ZNF644: variants seen among roughly 807,000 people sequenced by gnomAD.
ZNF644 encodes the protein zinc finger protein 644.
ZNF644 carries 20 observed loss-of-function variants against 108.0 expected under a neutral mutation model. The observed-to-expected ratio is 0.19, with a 90% CI of 0.13 to 0.27. The LOEUF (loss-of-function observed/expected upper bound fraction) is 0.27. Among genes scored for constraint, ZNF644 ranks in the 10% least tolerant of loss-of-function variants. The pLI is 1.00. For missense variants in ZNF644, 1,338 were observed against 1,548.9 expected, an observed-to-expected ratio of 0.86 and a Z score of 2.29; for synonymous variants, 542 against 539.1, an observed-to-expected ratio of 1.01 and a Z score of -0.08.
chr1:90,928,195 C>T lies in ZNF644; in HGVS notation c.3688+9290G>A, dbSNP rs552127258. On this transcript the variant is annotated intron_variant, in intron 4 of 5. Coordinates refer to ENST00000337393, the MANE Select transcript of ZNF644 (RefSeq NM_201269.3). ...TGAGACGGAGTCTCACTCTGTCGCC[C>T]AGGCTGGAGTGCAGTGGCGCAATCT... Among the ~76,000 whole-genome samples the T allele has an allele frequency of 4.0e-5, 6 of 151,878 alleles. No homozygotes were observed. The East Asian group carries it at 1.2e-3, about 30-fold the overall frequency.
At chr1:90,928,353 T>C (rs577278348) in intron 4 of ZNF644, among the ~76,000 whole-genome samples, 2 of 148,492 alleles carry the variant, frequency 1.3e-5, no homozygotes, top group Admixed American at 6.7e-5. Flanking sequence ...GTTTTGCTCT[T>C]GTTGCCCAGG....
At chr1:90,998,386 G>C (rs188774738) in intron 1 of ZNF644, among the ~76,000 whole-genome samples, 87 of 152,344 alleles carry the variant, frequency 5.7e-4, no homozygotes, top group Middle Eastern at 3.4e-3. Context: ...TTGCTGTTCA[G>C]CAATATTTGC....
At position 90,938,441 on chromosome 1, in the gene ZNF644, T is replaced by A. The variant is rs750678206; in HGVS notation, c.2913A>T (p.Thr971=). 6.2e-7 allele frequency: 1 copy of A among 1,613,996 alleles called. No homozygotes were observed. The highest frequency in any genetic ancestry group is 1.1e-5 in the South Asian group (1 of 91,080). ...TTGATAACCCAACACCTGTTTCAAA[T>A]GTTGCTGGGCAGTAAGGACACGATT... The part of the protein sequence containing the change: ...EKKSCPYCPA[T]FETGVGLSNH... The change falls in exon 3 of 6, where the codon ACA becomes ACT. Residue 971 remains threonine, a synonymous_variant. Coordinates refer to ENST00000337393, the MANE Select transcript of ZNF644 (RefSeq NM_201269.3). The surrounding 1 kb of genome is among the most constrained non-coding windows in gnomAD (Gnocchi z 4.2).
intron 1 of ZNF644, among the ~76,000 whole-genome samples, chr1:91,009,295 C>T (rs1659728803): frequency 6.6e-6 from 1 of 151,780 alleles, no homozygotes; most frequent in Non-Finnish European, 1.5e-5. Flanking sequence ...CTATTAGTTC[C>T]CAAGCTTCTG....
At position 90,937,658 on chromosome 1, in the gene ZNF644, A is replaced by G; in HGVS notation, c.3515T>C (p.Ile1172Thr). 1.2e-6 allele frequency: 2 copies of G among 1,613,912 alleles called. No individual in the cohort carries two copies. The highest frequency in any genetic ancestry group is 1.7e-6 in the Non-Finnish European group (2 of 1,179,852). The change falls in exon 4 of 6, where the codon ATA (isoleucine) becomes ACA (threonine). Residue 1172 changes from isoleucine to threonine, a missense_variant. Coordinates refer to ENST00000337393, the MANE Select transcript of ZNF644 (RefSeq NM_201269.3). ...CATCCTTTTATTTTTAAGAAGTTCTATGAGTGTAAGAGACTGATTCTTTTT... is the reference window on the plus strand; with the variant it reads ...CATCCTTTTATTTTTAAGAAGTTCTGTGAGTGTAAGAGACTGATTCTTTTT... ...SGKKNQSLTL[I>T]ELLKNKRMGE...
At chr1:90,933,978 G>A (rs893402025) in intron 4 of ZNF644, among the ~76,000 whole-genome samples, 1 of 152,144 alleles carries the variant, frequency 6.6e-6, no homozygotes, top group African/African-American at 2.4e-5. Flanking sequence ...CATGTAAATT[G>A]CATAGCATAG....
At chr1:90,986,823 A>C (rs1657149857) in intron 1 of ZNF644, among the ~76,000 whole-genome samples, 1 of 151,986 alleles carries the variant, frequency 6.6e-6, no homozygotes, top group African/African-American at 2.4e-5. Flanking sequence ...AATCATACCA[A>C]CTATCTTCTC....
chr1:90,982,503 C>T (rs1455575484), intron 1 of ZNF644, 133 bp from the exon 2 acceptor site: 108 of 643,376 alleles, frequency 1.7e-4, no homozygotes, highest in East Asian at 3.1e-4. Flanking sequence ...CATAAAAAAA[C>T]CATTCAACCA....
At chr1:90,995,477 T>A (rs193311) in intron 1 of ZNF644, among the ~76,000 whole-genome samples, 109,861 of 151,952 alleles carry the variant, frequency 0.72, 40,170 homozygotes, top group Middle Eastern at 0.79. Context: ...TTTTTGTTGA[T>A]GAAATAATGG....
intron 1 of ZNF644, among the ~76,000 whole-genome samples, chr1:90,986,364 GTC>G (rs1180454797): frequency 6.6e-6 from 1 of 150,976 alleles, no homozygotes; most frequent in Non-Finnish European, 1.5e-5. Context: ...CAAAAACAAA[GTC>G]TTCAGAAACT....
Position 90,941,303 on chromosome 1 carries a change from A to G in ZNF644, c.51T>C (p.Asn17=). The G allele has an allele frequency of 6.3e-7, 1 of 1,599,792 alleles. No individual in the cohort carries two copies. The highest frequency in any genetic ancestry group is 8.5e-7 in the Non-Finnish European group (1 of 1,176,658). ...TATTGTTGGCAAGCCCATTTAACACATTTAGTCTAGAAAATGGAAAAAAAA... is the reference window on the plus strand; with the variant it reads ...TATTGTTGGCAAGCCCATTTAACACGTTTAGTCTAGAAAATGGAAAAAAAA... The part of the protein sequence containing the change: ...QDVNKTKSRL[N]VLNGLANNMD... The change falls in exon 3 of 6, where the codon AAT becomes AAC. Residue 17 remains asparagine, a synonymous_variant. Coordinates refer to ENST00000337393, the MANE Select transcript of ZNF644 (RefSeq NM_201269.3).
At position 90,937,551 on chromosome 1, in the gene ZNF644, G is replaced by T. The variant is rs1651458496; in HGVS notation, c.3622C>A (p.Leu1208Ile). ...ARKRFVQKCV[L>I]PLNEDSPLMY... ...AACGGACTATCCTCATTTAATGGAA[G>T]AACGCATTTCTGAACGAATCTCTTT... The change falls in exon 4 of 6, where the codon CTT (leucine) becomes ATT (isoleucine). Residue 1208 changes from leucine to isoleucine, a missense_variant. Coordinates refer to ENST00000337393, the MANE Select transcript of ZNF644 (RefSeq NM_201269.3). 1.9e-6 allele frequency: 3 copies of T among 1,613,774 alleles called. No individual in the cohort carries two copies. Among genetic ancestry groups the T allele is most frequent in the African/African-American group, 1.3e-5 (1 of 74,904 alleles).
chr1:90,971,976 G>A (rs1399944700), intron 2 of ZNF644, among the ~76,000 whole-genome samples: 1 of 152,052 alleles, frequency 6.6e-6, no homozygotes, highest in Non-Finnish European at 1.5e-5. Context: ...GGAAAACAAT[G>A]AAACATGCAA....
In ZNF644 at chr1:90,940,715, C is replaced by CTTTATA. The variant is rs1557574233; in HGVS notation, c.633_638dup (p.Asn211_Ile212dup). On this transcript the variant is annotated inframe_insertion, in exon 3 of 6. Coordinates refer to ENST00000337393, the MANE Select transcript of ZNF644 (RefSeq NM_201269.3). ...CTTGATTTATTAAAGTGCCATCTGA[C>CTTTATA]TTTATATTACTCCCTACTGAATTCT... 1 of 1,614,074 alleles carries CTTTATA rather than the reference C, an allele frequency of 6.2e-7. No individual in the cohort carries two copies. Among genetic ancestry groups the CTTTATA allele is most frequent in the South Asian group, 1.1e-5 (1 of 91,078 alleles).
intron 1 of ZNF644, among the ~76,000 whole-genome samples, chr1:91,003,086 G>C (rs1263370842): frequency 6.6e-6 from 1 of 152,186 alleles, no homozygotes; most frequent in African/African-American, 2.4e-5. Flanking sequence ...GTTGGTGGGA[G>C]TGTAAACTAC....
At chr1:91,001,437 CAT>C (rs1486088242) in intron 1 of ZNF644, among the ~76,000 whole-genome samples, 3 of 152,112 alleles carry the variant, frequency 2.0e-5, no homozygotes, top group Non-Finnish European at 4.4e-5. Flanking sequence ...ACAAAAACCA[CAT>C]GATTATCTCA....
chr1:91,013,166 C>A (rs1241209813), intron 1 of ZNF644, among the ~76,000 whole-genome samples: 2 of 152,100 alleles, frequency 1.3e-5, no homozygotes, highest in Non-Finnish European at 2.9e-5. Context: ...CTCCGCCTCT[C>A]ATGTTTAAGC....
intron 2 of ZNF644, among the ~76,000 whole-genome samples, chr1:90,980,728 A>G (rs1283343249): frequency 6.6e-6 from 1 of 152,210 alleles, no homozygotes; most frequent in Non-Finnish European, 1.5e-5. Context: ...AAGAGTACAT[A>G]CTATATATAA....
At position 90,938,473 on chromosome 1, in the gene ZNF644, C is replaced by T. The variant is rs747593061; in HGVS notation, c.2881G>A (p.Glu961Lys). 6.2e-7 allele frequency: 1 copy of T among 1,613,952 alleles called. No homozygotes were observed. The highest frequency in any genetic ancestry group is 1.1e-5 in the South Asian group (1 of 91,070). Residue 961 changes from glutamate to lysine, a missense_variant, in exon 3 of 6, where the codon GAG becomes AAG. This residue lies in a region of ZNF644 where 462 missense variants were observed against 472.6 expected (regional missense o/e 0.98). Transcript: ENST00000337393. This position sits in a 1 kb window ranked among gnomAD's most constrained non-coding sequence, Gnocchi z 4.2. ...SVFHWTDLSL[E>K]KKSCPYCPAT... ...GGGCAGTAAGGACACGATTTCTTCTCAAGAGACAAATCAGTCCAATGAAAA... is the reference window on the plus strand; with the variant it reads ...GGGCAGTAAGGACACGATTTCTTCTTAAGAGACAAATCAGTCCAATGAAAA...
Sources: allele counts gnomAD v4.1 joint callset (sites outside exome capture counted in the v4.1 genomes callset), GRCh38; gene constraint gnomAD v4.1.1; regional missense constraint gnomAD v4.1.1; non-coding constraint Gnocchi (gnomAD v3.1); transcripts MANE v1.5; gene names NCBI Gene and HGNC (gene_info 2026-07-23, HGNC 2026-07-21).